MIR2052HG: variants seen among roughly 807,000 people sequenced by gnomAD.
The protein encoded by MIR2052HG is MIR2052 host gene.
chr8:74,665,410 T>C (rs1235996246), intron 2 of MIR2052HG, among the ~76,000 whole-genome samples: 1 of 152,182 alleles, frequency 6.6e-6, no homozygotes, highest in South Asian at 2.1e-4. Flanking sequence ...CAGGTACTCT[T>C]TAGCCCTTTG....
intron 4 of MIR2052HG, among the ~76,000 whole-genome samples, chr8:74,704,532 G>C (rs1809389368): frequency 6.6e-6 from 1 of 151,982 alleles, no homozygotes. Flanking sequence ...TCAGCCCTCA[G>C]ACTTTCCCCT....
chr8:74,602,876 T>TCCTTTCTTTC (rs1554570015), intron 1 of MIR2052HG, among the ~76,000 whole-genome samples: 1 of 137,064 alleles, frequency 7.3e-6, no homozygotes, highest in East Asian at 2.2e-4. Flanking sequence ...TTTCTTTCTT[T>TCCTTTCTTTC]TTTCTATTCA....
chr8:74,659,056 G>GA (rs1237655631), intron 2 of MIR2052HG, among the ~76,000 whole-genome samples: 2 of 152,212 alleles, frequency 1.3e-5, no homozygotes, highest in Non-Finnish European at 2.9e-5. Context: ...ACTAGTGTCT[G>GA]AAAGTTATGC....
chr8:74,629,240 A>G (rs1446137542), intron 2 of MIR2052HG, among the ~76,000 whole-genome samples: 2 of 152,166 alleles, frequency 1.3e-5, no homozygotes, highest in African/African-American at 4.8e-5. Flanking sequence ...TGTTAAATAT[A>G]TTAAATGAGC....
At chr8:74,737,060 G>T (rs189248046) in intron 4 of MIR2052HG, among the ~76,000 whole-genome samples, 14 of 152,170 alleles carry the variant, frequency 9.2e-5, no homozygotes, top group African/African-American at 3.1e-4. Flanking sequence ...CCTTTTCTGC[G>T]CGCAGTTGAG....
chr8:74,604,319 A>C, intron 1 of MIR2052HG: 2 of 562,094 alleles, frequency 3.6e-6, no homozygotes, highest in Non-Finnish European at 3.4e-6. Context: ...AAAGCCAAAA[A>C]CTGCTGGCGC....
At chr8:74,600,327 G>A (rs528010343) in intron 1 of MIR2052HG, among the ~76,000 whole-genome samples, 3 of 150,656 alleles carry the variant, frequency 2.0e-5, no homozygotes, top group Non-Finnish European at 3.0e-5. Context: ...GCTCACACCT[G>A]TAATCCCAGC....
At chr8:74,665,209 T>A (rs1235735982) in intron 2 of MIR2052HG, among the ~76,000 whole-genome samples, 1 of 152,154 alleles carries the variant, frequency 6.6e-6, no homozygotes, top group Non-Finnish European at 1.5e-5. Flanking sequence ...AATATGCTAC[T>A]CTCCCACATC....
chr8:74,628,664 G>A (rs558886577), intron 2 of MIR2052HG: 1 of 152,266 alleles, frequency 6.6e-6, no homozygotes, highest in Admixed American at 6.5e-5. Context: ...GATGATCAAA[G>A]GTTACCAACT....
chr8:74,628,783 A>G (rs1254376114), intron 2 of MIR2052HG: 1 of 152,178 alleles, frequency 6.6e-6, no homozygotes, highest in Non-Finnish European at 1.5e-5. Flanking sequence ...AGAGACAATG[A>G]AATTGTGTAA....
At chr8:74,685,445 C>T (rs979280519) in intron 2 of MIR2052HG, among the ~76,000 whole-genome samples, 2 of 152,040 alleles carry the variant, frequency 1.3e-5, no homozygotes, top group African/African-American at 4.8e-5. Context: ...AGAATTTTGG[C>T]TTCTTGTAAT....
chr8:74,632,980 C>G (rs1474700845), intron 2 of MIR2052HG, among the ~76,000 whole-genome samples: 1 of 152,114 alleles, frequency 6.6e-6, no homozygotes, highest in Non-Finnish European at 1.5e-5. Context: ...GATAATTCCT[C>G]TCCCATGACT....
At chr8:74,680,749 C>A (rs1222838036) in intron 2 of MIR2052HG, among the ~76,000 whole-genome samples, 1 of 152,024 alleles carries the variant, frequency 6.6e-6, no homozygotes, top group Non-Finnish European at 1.5e-5. Context: ...TGCTGTTATA[C>A]AGACACATGC....
intron 4 of MIR2052HG, among the ~76,000 whole-genome samples, chr8:74,718,424 G>A (rs1406608956): frequency 1.3e-5 from 2 of 152,080 alleles, no homozygotes; most frequent in African/African-American, 4.8e-5. Context: ...TCTATAGGCA[G>A]TTTTCCTCAC....
At chr8:74,715,758 A>C (rs1809513841) in intron 4 of MIR2052HG, among the ~76,000 whole-genome samples, 1 of 152,210 alleles carries the variant, frequency 6.6e-6, no homozygotes, top group African/African-American at 2.4e-5. Flanking sequence ...TTTGCAAAAA[A>C]GTAATGTGTT....
intron 5 of MIR2052HG, among the ~76,000 whole-genome samples, chr8:74,755,972 G>C (rs1407646100): frequency 2.0e-5 from 3 of 152,100 alleles, no homozygotes; most frequent in Admixed American, 2.0e-4. Context: ...ATAGGTTAAA[G>C]GTATGGTCTC....
intron 2 of MIR2052HG, among the ~76,000 whole-genome samples, chr8:74,665,248 A>G (rs7015599): frequency 0.018 from 2,735 of 152,276 alleles, 68 homozygotes; most frequent in African/African-American, 0.062. Context: ...TTCTTGCAAA[A>G]GTAACAACAG....
At chr8:74,688,791 G>A (rs538018497) in intron 2 of MIR2052HG, among the ~76,000 whole-genome samples, 18 of 151,994 alleles carry the variant, frequency 1.2e-4, no homozygotes, top group African/African-American at 2.4e-4. Flanking sequence ...CCAATTTGTC[G>A]CCTTTTATCC....
intron 4 of MIR2052HG, among the ~76,000 whole-genome samples, chr8:74,726,330 A>G (rs1809635892): frequency 6.6e-6 from 1 of 152,142 alleles, no homozygotes; most frequent in African/African-American, 2.4e-5. Flanking sequence ...TATTGTTAAA[A>G]CCAAAAATAG....
Sources: gnomAD v4.1 joint callset for allele counts (sites outside exome capture counted in the v4.1 genomes callset) on GRCh38, gnomAD v4.1.1 for gene constraint, MANE v1.5 for transcripts, NCBI Gene and HGNC (gene_info 2026-07-23, HGNC 2026-07-21) for gene names.